Variants in KCNH5 observed in about 807,000 individuals in gnomAD.
The protein encoded by KCNH5 is voltage-gated delayed rectifier potassium channel KCNH5.
A neutral mutation model predicts 96.1 loss-of-function variants in KCNH5; 46 were observed. That is an observed-to-expected ratio of 0.48 (90% CI 0.38 to 0.61). The LOEUF is 0.61. KCNH5 is among the 20% of genes least tolerant of loss of function. The probability of loss-of-function intolerance (pLI) is 0.00; values close to 1 mark genes in which losing one functional copy is unlikely to be tolerated. For missense variants in KCNH5, 907 were observed against 1,225.8 expected, an observed-to-expected ratio of 0.74 and a Z score of 3.88; for synonymous variants, 439 against 449.8, an observed-to-expected ratio of 0.98 and a Z score of 0.30.
chr14:63,017,881 A>T (rs1891355312), intron 1 of KCNH5, among the ~76,000 whole-genome samples: 1 of 151,952 alleles, frequency 6.6e-6, no homozygotes, highest in African/African-American at 2.4e-5. Context: ...TTAAATCCTC[A>T]TTCATAATTG....
At chr14:62,846,896 G>T (rs1235742369) in intron 8 of KCNH5, among the ~76,000 whole-genome samples, 2 of 143,468 alleles carry the variant, frequency 1.4e-5, no homozygotes, top group East Asian at 2.1e-4. Flanking sequence ...CGCCTCCCGG[G>T]TTCACACCAT....
At chr14:63,003,158 GCA>G (rs1401429690) in intron 3 of KCNH5, among the ~76,000 whole-genome samples, 2 of 152,014 alleles carry the variant, frequency 1.3e-5, no homozygotes, top group Non-Finnish European at 2.9e-5. Flanking sequence ...TCAAATTCTG[GCA>G]CAGAGTCTGG....
chr14:62,890,181 C>T (rs1369222412), intron 7 of KCNH5, among the ~76,000 whole-genome samples: 1 of 152,166 alleles, frequency 6.6e-6, no homozygotes, highest in Admixed American at 6.5e-5. Flanking sequence ...GCAAAGATTT[C>T]ATGACAAAGA....
intron 1 of KCNH5, among the ~76,000 whole-genome samples, chr14:63,019,256 A>G (rs1419165327): frequency 6.6e-6 from 1 of 152,070 alleles, no homozygotes; most frequent in African/African-American, 2.4e-5. Context: ...TTCCACATCA[A>G]AAAGTGTTCT....
intron 10 of KCNH5, among the ~76,000 whole-genome samples, chr14:62,747,306 G>A (rs772572015): frequency 6.6e-6 from 1 of 151,742 alleles, no homozygotes; most frequent in Non-Finnish European, 1.5e-5. Context: ...TTGCACTCCA[G>A]CCTGGGCAAC....
At chr14:62,902,544 G>T (rs1888948385) in intron 7 of KCNH5, among the ~76,000 whole-genome samples, 1 of 151,980 alleles carries the variant, frequency 6.6e-6, no homozygotes, top group Non-Finnish European at 1.5e-5. Context: ...ACCAGCATAG[G>T]TTGAGTCTAA....
At chr14:63,044,757 G>A (rs1300081141) in intron 1 of KCNH5, among the ~76,000 whole-genome samples, 1 of 152,200 alleles carries the variant, frequency 6.6e-6, no homozygotes, top group East Asian at 1.9e-4. Flanking sequence ...AGTCCCTGCT[G>A]CTCACTTTGG....
intron 8 of KCNH5, among the ~76,000 whole-genome samples, chr14:62,825,514 G>A (rs1887205160): frequency 6.6e-6 from 1 of 151,824 alleles, no homozygotes. Context: ...AAATCTCTCT[G>A]GAGAAAGGTG....
chr14:62,885,464 G>C (rs574582115), intron 7 of KCNH5, among the ~76,000 whole-genome samples: 1 of 152,274 alleles, frequency 6.6e-6, no homozygotes, highest in East Asian at 1.9e-4. Flanking sequence ...TTATTTACAT[G>C]ATTGGACAAG....
chr14:63,018,646 A>T (rs986525173), intron 1 of KCNH5, among the ~76,000 whole-genome samples: 1 of 152,098 alleles, frequency 6.6e-6, no homozygotes, highest in African/African-American at 2.4e-5. Context: ...AAAATAAAAA[A>T]TGTAGAAATT....
intron 7 of KCNH5, among the ~76,000 whole-genome samples, chr14:62,874,072 C>T (rs1888318223): frequency 6.6e-6 from 1 of 152,138 alleles, no homozygotes; most frequent in South Asian, 2.1e-4. Context: ...GAAGAAAGAA[C>T]TGAACGTGGA....
intron 4 of KCNH5, among the ~76,000 whole-genome samples, chr14:62,991,323 G>A (rs1890804287): frequency 6.6e-6 from 1 of 151,960 alleles, no homozygotes; most frequent in Non-Finnish European, 1.5e-5. Context: ...GAAAGGCATG[G>A]TAGGGAAGGT....
At chr14:62,870,172 A>G (rs1888224762) in intron 7 of KCNH5, among the ~76,000 whole-genome samples, 1 of 152,230 alleles carries the variant, frequency 6.6e-6, no homozygotes, top group African/African-American at 2.4e-5. Context: ...ACTCAGTGTC[A>G]CATCTGCTTA....
chr14:62,708,024 A>G lies in KCNH5; in HGVS notation c.2451T>C (p.Asn817=), dbSNP rs1186521627. Reference sequence around the variant, plus strand: ...CCTTTTTCTCCTCATGGGCTCCCATATTATTCTTGAGTCGCAGCCACCCTT... The same window carrying G: ...CCTTTTTCTCCTCATGGGCTCCCATGTTATTCTTGAGTCGCAGCCACCCTT... The part of the protein sequence containing the change: ...NGKGWLRLKN[N]MGAHEEKKED... Residue 817 remains asparagine, a synonymous_variant, in exon 11 of 11, where the codon AAT becomes AAC. Coordinates refer to ENST00000322893, the MANE Select transcript of KCNH5 (RefSeq NM_139318.5). The G allele has an allele frequency of 1.2e-6, 2 of 1,614,096 alleles. No homozygotes were observed. The highest frequency in any genetic ancestry group is 1.7e-6 in the Non-Finnish European group (2 of 1,180,030).
At chr14:62,950,588 ACCACATTTTCAGG>A in intron 6 of KCNH5, 29 bp from the exon 7 acceptor site, 1 of 1,475,268 alleles carries the variant, frequency 6.8e-7, no homozygotes, top group Non-Finnish European at 9.0e-7. Context: ...AAAAAATTAC[ACCACATTTTCAGG>A]AAAAAAAAAG....
chr14:62,957,370 GT>G (rs1170961826), intron 6 of KCNH5, among the ~76,000 whole-genome samples: 1 of 152,132 alleles, frequency 6.6e-6, no homozygotes, highest in African/African-American at 2.4e-5. Context: ...CCAAGGACAC[GT>G]TGCAATTAAG....
intron 10 of KCNH5, among the ~76,000 whole-genome samples, chr14:62,747,096 AC>A (rs1885393531): frequency 6.6e-6 from 1 of 152,182 alleles, no homozygotes. Flanking sequence ...CACTTCGGGA[AC>A]CCGAGGCGGG....
At chr14:62,749,114 A>G (rs568013014) in intron 10 of KCNH5, among the ~76,000 whole-genome samples, 7 of 152,314 alleles carry the variant, frequency 4.6e-5, no homozygotes, top group African/African-American at 1.7e-4. Context: ...AAATGTCCAC[A>G]TACCCAACAG....
At chr14:63,033,748 C>T (rs2139626461) in intron 1 of KCNH5, among the ~76,000 whole-genome samples, 1 of 146,556 alleles carries the variant, frequency 6.8e-6, no homozygotes, top group Non-Finnish European at 1.5e-5. Flanking sequence ...AATTCTTAGA[C>T]ATTGTTAAGA....
Sources: allele counts gnomAD v4.1 joint callset (sites outside exome capture counted in the v4.1 genomes callset), GRCh38; gene constraint gnomAD v4.1.1; transcripts MANE v1.5; gene names NCBI Gene and HGNC (gene_info 2026-07-23, HGNC 2026-07-21).